Variants in MAP2 observed in about 807,000 individuals in gnomAD.
MAP2 encodes microtubule-associated protein 2.
In MAP2, 14 loss-of-function variants were observed where a neutral mutation model predicts 137.6. That is an observed-to-expected ratio of 0.10 (90% CI 0.07 to 0.16). The LOEUF is 0.16. MAP2 is among the 10% of genes least tolerant of loss of function. The pLI is 1.00. For synonymous variants in MAP2, 786 were observed against 782.3 expected (o/e 1.00, Z -0.08); for missense variants, 2,088 against 2,191.5 (o/e 0.95, Z 0.94).
At chr2:209,630,698 A>C (rs1347538448) in intron 4 of MAP2, among the ~76,000 whole-genome samples, 2 of 152,066 alleles carry the variant, frequency 1.3e-5, no homozygotes, top group African/African-American at 4.8e-5. Flanking sequence ...AAGAGATTAG[A>C]AGAGCAGGGA....
chr2:209,718,195 T>A (rs1342481704), intron 13 of MAP2, among the ~76,000 whole-genome samples: 1 of 152,148 alleles, frequency 6.6e-6, no homozygotes, highest in Admixed American at 6.5e-5. Context: ...TTAAAAATTA[T>A]GAGAAAATTA....
At chr2:209,515,263 C>T (rs2062318862) in intron 2 of MAP2, among the ~76,000 whole-genome samples, 1 of 151,960 alleles carries the variant, frequency 6.6e-6, no homozygotes, top group Admixed American at 6.6e-5. Context: ...TTTATACCTG[C>T]CAAAGTTTGT....
At chr2:209,669,576 A>G (rs2047886410) in intron 5 of MAP2, among the ~76,000 whole-genome samples, 1 of 152,078 alleles carries the variant, frequency 6.6e-6, no homozygotes, top group African/African-American at 2.4e-5. Context: ...ACATCCTTTT[A>G]GAATGTAGAA....
At chr2:209,696,515 G>T in intron 8 of MAP2, 27 bp from the exon 9 acceptor site, 1 of 1,569,678 alleles carries the variant, frequency 6.4e-7, no homozygotes, top group South Asian at 1.2e-5. Flanking sequence ...TGTTGTTGTT[G>T]TTGTCATGAT....
chr2:209,426,320 A>G (rs1692564862), intron 1 of MAP2, among the ~76,000 whole-genome samples: 1 of 152,106 alleles, frequency 6.6e-6, no homozygotes, highest in Admixed American at 6.5e-5. Flanking sequence ...TTTATAAAAT[A>G]ATATTTTAGT....
chr2:209,706,269 A>G (rs2063376401), intron 12 of MAP2, among the ~76,000 whole-genome samples: 1 of 152,128 alleles, frequency 6.6e-6, no homozygotes, highest in African/African-American at 2.4e-5. Flanking sequence ...CAATTGTAAC[A>G]GTTTATATAA....
At chr2:209,585,365 G>C (rs1189917641) in intron 3 of MAP2, among the ~76,000 whole-genome samples, 1 of 151,854 alleles carries the variant, frequency 6.6e-6, no homozygotes, top group African/African-American at 2.4e-5. Flanking sequence ...ATGTTGCTGG[G>C]AGTATTATTT....
chr2:209,522,503 CAAAT>C (rs34583170), intron 2 of MAP2, among the ~76,000 whole-genome samples: 2,441 of 152,140 alleles, frequency 0.016, 44 homozygotes, highest in South Asian at 0.07. Context: ...ATGTTTGTGA[CAAAT>C]AATTTTTAAA....
At chr2:209,586,879 T>G (rs1200185553) in intron 3 of MAP2, among the ~76,000 whole-genome samples, 2 of 152,166 alleles carry the variant, frequency 1.3e-5, no homozygotes, top group East Asian at 3.9e-4. Flanking sequence ...AAGTCTGAAG[T>G]GAGCTCTTCT....
chr2:209,562,943 C>T (rs530720018), intron 2 of MAP2, among the ~76,000 whole-genome samples: 7 of 152,142 alleles, frequency 4.6e-5, no homozygotes, highest in Non-Finnish European at 1.0e-4. Flanking sequence ...TATTAAAAGA[C>T]TAAGAAATAC....
At chr2:209,538,247 T>G (rs960014397) in intron 2 of MAP2, among the ~76,000 whole-genome samples, 7 of 152,194 alleles carry the variant, frequency 4.6e-5, no homozygotes, top group South Asian at 2.1e-4. Flanking sequence ...AACTGGAACT[T>G]GAAAATAATA....
rs2050110306 is a variant in MAP2 at position 209,674,031 on chromosome 2, G to A, written c.263-4541G>A. On this transcript the variant is annotated intron_variant, in intron 5 of 15. Transcript: ENST00000682079. ...GAGCAGATGGTAGCCCAGGACCTATGCATCCAGGAAACTGGGTGTGAAGCC... is the reference window on the plus strand; with the variant it reads ...GAGCAGATGGTAGCCCAGGACCTATACATCCAGGAAACTGGGTGTGAAGCC... Among the ~76,000 whole-genome samples the A allele has an allele frequency of 3.3e-5, 5 of 151,818 alleles. No individual in the cohort carries two copies. In the South Asian group the frequency reaches 1.0e-3, roughly 31 times the overall value.
chr2:209,509,812 A>G (rs1419702964), intron 2 of MAP2, among the ~76,000 whole-genome samples: 1 of 151,956 alleles, frequency 6.6e-6, no homozygotes, highest in Non-Finnish European at 1.5e-5. Context: ...ATAAAATAGG[A>G]CATCAGAAAT....
At chr2:209,701,014 G>C (rs983337470) in intron 11 of MAP2, among the ~76,000 whole-genome samples, 9 of 151,842 alleles carry the variant, frequency 5.9e-5, no homozygotes, top group African/African-American at 2.2e-4. Context: ...AGAATTTTTT[G>C]TTGGTATTTT....
chr2:209,487,246 T>C (rs914982756), intron 1 of MAP2, among the ~76,000 whole-genome samples: 2 of 152,068 alleles, frequency 1.3e-5, no homozygotes, highest in Non-Finnish European at 2.9e-5. Flanking sequence ...GAGAAGTGGG[T>C]CCAGAAATCT....
At chr2:209,665,187 A>G (rs1449132848) in intron 5 of MAP2, among the ~76,000 whole-genome samples, 3 of 152,178 alleles carry the variant, frequency 2.0e-5, no homozygotes, top group African/African-American at 7.2e-5. Context: ...GGGAGTAAAG[A>G]AAATATATCT....
intron 2 of MAP2, among the ~76,000 whole-genome samples, chr2:209,509,509 A>C (rs2150231440): frequency 6.6e-6 from 1 of 152,110 alleles, no homozygotes; most frequent in East Asian, 1.9e-4. Context: ...TTCTATCTGG[A>C]AATGAAAATA....
intron 2 of MAP2, among the ~76,000 whole-genome samples, chr2:209,574,255 T>G: frequency 6.6e-6 from 1 of 152,210 alleles, no homozygotes; most frequent in East Asian, 1.9e-4. Context: ...TTTTGTTCAC[T>G]GTCTGTATCA....
At chr2:209,495,731 A>G (rs547852658) in intron 1 of MAP2, among the ~76,000 whole-genome samples, 3 of 152,338 alleles carry the variant, frequency 2.0e-5, no homozygotes, top group Admixed American at 2.0e-4. Flanking sequence ...AATGCATCTG[A>G]CAAACTTTGT....
Sources: allele counts gnomAD v4.1 joint callset (sites outside exome capture counted in the v4.1 genomes callset), GRCh38; gene constraint gnomAD v4.1.1; transcripts MANE v1.5; gene names NCBI Gene and HGNC (gene_info 2026-07-23, HGNC 2026-07-21).